The following PGBD5 variants were observed in gnomAD, a reference collection of about 807,000 sequenced individuals.
The protein encoded by PGBD5 is piggyBac transposable element derived 5.
In PGBD5, 14 loss-of-function variants were observed where a neutral mutation model predicts 47.9. The observed-to-expected ratio is 0.29, with a 90% confidence interval of 0.19 to 0.46. The LOEUF (loss-of-function observed/expected upper bound fraction) is 0.46. Among genes scored for constraint, PGBD5 ranks in the 20% least tolerant of loss-of-function variants. The pLI is 1.00. For missense variants in PGBD5, 635 were observed against 716.0 expected, an observed-to-expected ratio of 0.89 and a Z score of 1.29; for synonymous variants, 316 against 306.3, an observed-to-expected ratio of 1.03 and a Z score of -0.33.
intron 1 of PGBD5, chr1:230,362,377 C>T (rs773488588): frequency 1.0e-5 from 14 of 1,364,344 alleles, no homozygotes; most frequent in Non-Finnish European, 1.4e-5. Context: ...CTGCCTCTGG[C>T]CTGGATGACA....
At chr1:230,336,997 A>C in intron 4 of PGBD5, 111 bp downstream of exon 4, 1 of 1,208,256 alleles carries the variant, frequency 8.3e-7, no homozygotes, top group Non-Finnish European at 1.2e-6. Context: ...ATCACCTGGC[A>C]TCCTGTGGTT....
chr1:230,329,124 G>GC (rs1299973531), intron 5 of PGBD5, among the ~76,000 whole-genome samples: 8 of 150,758 alleles, frequency 5.3e-5, no homozygotes, highest in South Asian at 2.1e-4. Context: ...TTTTTTTTTG[G>GC]GGGGGGAGGT....
intron 1 of PGBD5, among the ~76,000 whole-genome samples, chr1:230,392,611 G>A (rs906739304): frequency 2.6e-5 from 4 of 152,122 alleles, no homozygotes; most frequent in Non-Finnish European, 5.9e-5. Flanking sequence ...CTCCTTCCGG[G>A]GCTCCTTGCA....
Position 230,323,747 on chromosome 1 carries a change from C to G in PGBD5, c.1380-127G>C. On this transcript the variant is annotated intron_variant, in intron 6 of 6. Coordinates refer to ENST00000391860, the MANE Select transcript of PGBD5 (RefSeq NM_001258311.2). This position sits in a 1 kb window ranked among gnomAD's most constrained non-coding sequence, Gnocchi z 4.1. ...TTCGCCCCCGACAGAAGCAGGAGGG[C>G]TATGGGGGCAGGAGTCAGGCTTGGG... 2.3e-6 allele frequency: 2 copies of G among 866,480 alleles called. No individual in the cohort carries two copies. The highest frequency in any genetic ancestry group is 3.5e-6 in the Non-Finnish European group (2 of 565,598). 53.7% of individuals were successfully genotyped at this position (866,480 alleles called of 1,614,324 possible).
intron 2 of PGBD5, among the ~76,000 whole-genome samples, chr1:230,352,626 C>T (rs1667575977): frequency 6.6e-6 from 1 of 152,180 alleles, no homozygotes; most frequent in South Asian, 2.1e-4. Context: ...CACATGGGGA[C>T]ATCACATGTG....
intron 1 of PGBD5, among the ~76,000 whole-genome samples, chr1:230,414,989 G>A (rs1479367737): frequency 1.3e-5 from 2 of 152,240 alleles, no homozygotes; most frequent in Non-Finnish European, 2.9e-5. Flanking sequence ...AAATAAGCCA[G>A]GTGCAGTGGC....
chr1:230,351,588 G>T (rs1175547782), intron 2 of PGBD5, among the ~76,000 whole-genome samples: 1 of 152,080 alleles, frequency 6.6e-6, no homozygotes, highest in East Asian at 1.9e-4. Context: ...TGTGACTTCT[G>T]TCCAGTGAGA....
chr1:230,388,879 G>A (rs952278739), intron 1 of PGBD5, among the ~76,000 whole-genome samples: 14 of 152,180 alleles, frequency 9.2e-5, no homozygotes, highest in African/African-American at 3.4e-4. Flanking sequence ...GGTTGACTCA[G>A]GCCACAGAAA....
intron 1 of PGBD5, among the ~76,000 whole-genome samples, chr1:230,405,445 TA>T (rs1156941292): frequency 1.3e-5 from 2 of 152,230 alleles, no homozygotes; most frequent in Non-Finnish European, 2.9e-5. Context: ...TTCTTCATAA[TA>T]TTTTTTTCTC....
rs962717784 is a variant in PGBD5 at position 230,425,768 on chromosome 1, G to A, written c.161C>T (p.Ser54Phe). 1.7e-6 allele frequency: 2 copies of A among 1,207,490 alleles called. No individual in the cohort carries two copies. The highest frequency in any genetic ancestry group is 2.1e-6 in the Non-Finnish European group (2 of 970,624). 74.8% of individuals were successfully genotyped at this position (1,207,490 alleles called of 1,614,324 possible). Residue 54 changes from serine to phenylalanine, a missense_variant, in exon 1 of 7, where the codon TCC becomes TTC. Physicochemically the swap from Ser to Phe is radical, Grantham distance 155. Transcript: ENST00000391860. The surrounding 1 kb of genome is among the most constrained non-coding windows in gnomAD (Gnocchi z 4.7). Reference sequence around the variant, plus strand: ...GTCGTCCGAGGAGGCGGCCGAGGAGGAGCGCGAGGCGGCCGAGGTGCTGTA... The same window carrying A: ...GTCGTCCGAGGAGGCGGCCGAGGAGAAGCGCGAGGCGGCCGAGGTGCTGTA... The part of the protein sequence containing the change: ...PFYSTSAASR[S>F]SSAASSDDER...
chr1:230,335,777 A>ATG, intron 4 of PGBD5, among the ~76,000 whole-genome samples: 1 of 156 alleles, frequency 6.4e-3, no homozygotes, highest in African/African-American at 0.019. Context: ...ACAGACAGAC[A>ATG]CACACACACA....
In PGBD5 at chr1:230,322,612, A is replaced by C. The variant is rs1667052208; in HGVS notation, c.*813T>G. The C allele has an allele frequency of 6.5e-6, 1 of 153,036 alleles. No individual in the cohort carries two copies. The highest frequency in any genetic ancestry group is 1.5e-5 in the Non-Finnish European group (1 of 68,088). 9.5% of individuals were successfully genotyped at this position (153,036 alleles called of 1,614,324 possible). A position where few individuals can be genotyped will look rare whatever the true frequency, so the allele number is the denominator to read the frequency against. On this transcript the variant is annotated 3_prime_UTR_variant, in exon 7 of 7. Coordinates refer to ENST00000391860, the MANE Select transcript of PGBD5 (RefSeq NM_001258311.2). The surrounding 1 kb of genome is among the most constrained non-coding windows in gnomAD (Gnocchi z 5.9). ...CCGGCCCTGCCACAGGCCAGAACAC[A>C]GAACTGTGATCATGCAAAGAGCCGT...
chr1:230,382,763 A>C (rs995065478), intron 1 of PGBD5, among the ~76,000 whole-genome samples: 4 of 152,218 alleles, frequency 2.6e-5, no homozygotes, highest in African/African-American at 9.6e-5. Flanking sequence ...GGGAGTCTTC[A>C]GAATGAAGAC....
At chr1:230,342,739 A>G (rs1667426026) in intron 3 of PGBD5, among the ~76,000 whole-genome samples, 1 of 152,158 alleles carries the variant, frequency 6.6e-6, no homozygotes, top group Non-Finnish European at 1.5e-5. Context: ...TGCCATATGC[A>G]CCTTGCAAGG....
Position 230,425,731 on chromosome 1 carries a change from G to T in PGBD5, c.198C>A (p.Pro66=). The change falls in exon 1 of 7, where the codon CCC becomes CCA. Residue 66 remains proline, a synonymous_variant. Coordinates refer to ENST00000391860, the MANE Select transcript of PGBD5 (RefSeq NM_001258311.2). The surrounding 1 kb of genome is among the most constrained non-coding windows in gnomAD (Gnocchi z 4.7). ...SAASSDDERE[P]PGPPGAAPPP... is the part of the protein sequence containing the mutation. ...GCGGGGCGGCCCCTGGGGGTCCCGG[G>T]GGCTCGCGCTCGTCGTCCGAGGAGG... 8.2e-7 allele frequency: 1 copy of T among 1,212,560 alleles called. No individual in the cohort carries two copies. Among genetic ancestry groups the T allele is most frequent in the Non-Finnish European group, 1.0e-6 (1 of 975,724 alleles). 75.1% of individuals were successfully genotyped at this position (1,212,560 alleles called of 1,614,324 possible).
In PGBD5 at chr1:230,318,422, C is replaced by T. The variant is rs1237418303; in HGVS notation, c.*5003G>A. On this transcript the variant is annotated 3_prime_UTR_variant, in exon 7 of 7. Coordinates refer to ENST00000391860, the MANE Select transcript of PGBD5 (RefSeq NM_001258311.2). ...GGGCAGACAGCCAAGCCCGCATTGA[C>T]TGACACAGGGCCGTAACAGGAGAGA... 1 of 152,256 alleles carries T rather than the reference C, an allele frequency of 6.6e-6. No homozygotes were observed. The highest frequency in any genetic ancestry group is 1.5e-5 in the Non-Finnish European group (1 of 68,088). The allele number at this position is 152,256 out of a possible 1,614,324, so 9.4% of individuals were successfully genotyped here. A position where few individuals can be genotyped will look rare whatever the true frequency, so the allele number is the denominator to read the frequency against.
At chr1:230,339,831 G>A (rs745737348) in intron 3 of PGBD5, among the ~76,000 whole-genome samples, 6 of 152,162 alleles carry the variant, frequency 3.9e-5, no homozygotes, top group Admixed American at 2.0e-4. Context: ...TGGTGGTTAC[G>A]GGGCTGGGGG....
intron 1 of PGBD5, among the ~76,000 whole-genome samples, chr1:230,373,876 T>C (rs1354213876): frequency 6.6e-6 from 1 of 152,056 alleles, no homozygotes; most frequent in East Asian, 1.9e-4. Flanking sequence ...AGTTTAATTT[T>C]TCGTAGAGAT....
At chr1:230,342,475 G>A (rs2077206) in intron 3 of PGBD5, among the ~76,000 whole-genome samples, 56 of 152,308 alleles carry the variant, frequency 3.7e-4, no homozygotes, top group South Asian at 2.7e-3. Flanking sequence ...AGCAGTGCAC[G>A]ATCTGCACTC....
Sources: gnomAD v4.1 joint callset for allele counts (sites outside exome capture counted in the v4.1 genomes callset) on GRCh38, gnomAD v4.1.1 for gene constraint, Gnocchi (gnomAD v3.1) non-coding constraint, MANE v1.5 for transcripts, NCBI Gene and HGNC (gene_info 2026-07-23, HGNC 2026-07-21) for gene names.